MACROD2: variants seen among roughly 807,000 people sequenced by gnomAD.
The protein encoded by MACROD2 is ADP-ribose glycohydrolase MACROD2.
MACROD2 carries 36 observed loss-of-function variants against 70.4 expected under a neutral mutation model. The observed-to-expected ratio is 0.51, with a 90% CI of 0.39 to 0.68. MACROD2 has a LOEUF of 0.68. Ranked by LOEUF, MACROD2 falls within the 30% of genes least tolerant of loss-of-function variation. The pLI is 0.00. For missense variants in MACROD2, 496 were observed against 538.4 expected (o/e 0.92, Z 0.78); for synonymous variants, 172 against 178.8 (o/e 0.96, Z 0.30).
At chr20:14,967,852 A>G (rs552132124) in intron 5 of MACROD2, among the ~76,000 whole-genome samples, 1 of 152,248 alleles carries the variant, frequency 6.6e-6, no homozygotes, top group East Asian at 1.9e-4. Flanking sequence ...CTACTGTCCA[A>G]TAAATTTTAT....
chr20:14,854,957 A>T (rs1396670974), intron 5 of MACROD2, among the ~76,000 whole-genome samples: 1 of 152,102 alleles, frequency 6.6e-6, no homozygotes. Context: ...CGGAGCTTGC[A>T]GTGAGCCGAG....
intron 5 of MACROD2, among the ~76,000 whole-genome samples, chr20:15,204,470 G>T (rs1446269182): frequency 1.3e-5 from 2 of 152,030 alleles, no homozygotes; most frequent in Non-Finnish European, 2.9e-5. Flanking sequence ...ATTGTAATGT[G>T]CTCATAAAGA....
chr20:15,601,163 C>A (rs458289), intron 8 of MACROD2, among the ~76,000 whole-genome samples: 1 of 152,110 alleles, frequency 6.6e-6, no homozygotes, highest in Non-Finnish European at 1.5e-5. Flanking sequence ...ATTCTCACTA[C>A]TGACTCCCTC....
chr20:14,601,240 G>T (rs186748110), intron 4 of MACROD2, among the ~76,000 whole-genome samples: 1 of 152,276 alleles, frequency 6.6e-6, no homozygotes, highest in South Asian at 2.1e-4. Flanking sequence ...TTTCCATGGT[G>T]TTTGGGAGTG....
intron 5 of MACROD2, among the ~76,000 whole-genome samples, chr20:14,831,780 CAAAAAAAAAAAAAA>C (rs71190151): frequency 2.2e-4 from 8 of 37,182 alleles, no homozygotes; most frequent in Admixed American, 6.0e-4. Context: ...AACTCCGTCT[CAAAAAAAAAAAAAA>C]AAAAAAAAAA....
chr20:14,200,316 T>A (rs186098405), intron 3 of MACROD2, among the ~76,000 whole-genome samples: 5 of 152,140 alleles, frequency 3.3e-5, no homozygotes, highest in Admixed American at 3.3e-4. Flanking sequence ...AAGTGGGAGC[T>A]AAATTATGAG....
rs1420965168 is a variant in MACROD2 at position 15,021,256 on chromosome 20, A to ACACACCTGTGTGTGTGTATACG, written c.419-208663_419-208642dup. On this transcript the variant is annotated intron_variant, in intron 5 of 17. Coordinates refer to ENST00000684519, the MANE Select transcript of MACROD2 (RefSeq NM_001351661.2). ...TACACACACCTGTGTGTATGTATAC[A>ACACACCTGTGTGTGTGTATACG]CACACCTGTGTGTGTGTATACGCAC... is the stretch of plus-strand genomic sequence containing the variant. 2.4e-4 allele frequency among the ~76,000 whole-genome samples: 20 copies of ACACACCTGTGTGTGTGTATACG among 83,806 alleles called. 2 individuals are homozygous for ACACACCTGTGTGTGTGTATACG. The highest frequency in any genetic ancestry group is 1.0e-3 in the Admixed American group (9 of 8,888). 55.0% of individuals were successfully genotyped at this position (83,806 alleles called of 152,430 possible). A position where few individuals can be genotyped will look rare whatever the true frequency, so the allele number is the denominator to read the frequency against.
At chr20:14,152,611 G>C (rs1431401311) in intron 3 of MACROD2, among the ~76,000 whole-genome samples, 1 of 151,998 alleles carries the variant, frequency 6.6e-6, no homozygotes, top group Non-Finnish European at 1.5e-5. Context: ...ATTTTTAGTA[G>C]AGATGGGGTT....
At chr20:14,516,037 T>C (rs1411103646) in intron 4 of MACROD2, among the ~76,000 whole-genome samples, 1 of 147,902 alleles carries the variant, frequency 6.8e-6, no homozygotes, top group Non-Finnish European at 1.5e-5. Context: ...TACTTTATAG[T>C]ATCTATTTTA....
At position 14,457,135 on chromosome 20, in the gene MACROD2, A is replaced by T. The variant is rs540273809; in HGVS notation, c.272-36344A>T. On this transcript the variant is annotated intron_variant, in intron 3 of 17. Coordinates refer to ENST00000684519, the MANE Select transcript of MACROD2 (RefSeq NM_001351661.2). ...GTATCATTATAGCATCAGAAAGTGG[A>T]GACATCAGGGGCTTTTTTCTTCCTA... Among the ~76,000 whole-genome samples, 4 of 152,198 alleles carry T rather than the reference A, an allele frequency of 2.6e-5. No individual in the cohort carries two copies. The South Asian group carries it at 8.3e-4, about 32-fold the overall frequency.
At chr20:14,137,099 G>A (rs951901549) in intron 3 of MACROD2, among the ~76,000 whole-genome samples, 1 of 152,004 alleles carries the variant, frequency 6.6e-6, no homozygotes, top group Non-Finnish European at 1.5e-5. Flanking sequence ...CTTAAGCAAT[G>A]CAAGAGTTAG....
intron 4 of MACROD2, among the ~76,000 whole-genome samples, chr20:14,509,532 A>G (rs529270616): frequency 1.1e-4 from 16 of 152,132 alleles, no homozygotes; most frequent in African/African-American, 3.8e-4. Context: ...GTAGTGATTA[A>G]GAGTGGATTT....
intron 5 of MACROD2, among the ~76,000 whole-genome samples, chr20:14,874,493 G>T (rs1228380055): frequency 6.6e-6 from 1 of 150,898 alleles, no homozygotes; most frequent in Non-Finnish European, 1.5e-5. Flanking sequence ...AACTTTATAG[G>T]TCATCATTGA....
At chr20:15,511,048 G>A (rs1230710269) in intron 8 of MACROD2, among the ~76,000 whole-genome samples, 1 of 152,186 alleles carries the variant, frequency 6.6e-6, no homozygotes, top group Non-Finnish European at 1.5e-5. Context: ...CCTCAGGCAA[G>A]GAAGCGAAGC....
intron 4 of MACROD2, among the ~76,000 whole-genome samples, chr20:14,642,345 A>G (rs1462293991): frequency 6.6e-6 from 1 of 152,152 alleles, no homozygotes; most frequent in African/African-American, 2.4e-5. Context: ...TATCAGCAGT[A>G]AAGGGCTGTT....
At chr20:14,642,838 A>T (rs1402656353) in intron 4 of MACROD2, among the ~76,000 whole-genome samples, 1 of 152,118 alleles carries the variant, frequency 6.6e-6, no homozygotes, top group African/African-American at 2.4e-5. Context: ...TATTGCAAAA[A>T]TTACCAAAAT....
At chr20:14,742,580 T>C (rs1269060696) in intron 5 of MACROD2, among the ~76,000 whole-genome samples, 2 of 151,728 alleles carry the variant, frequency 1.3e-5, no homozygotes, top group Admixed American at 6.6e-5. Flanking sequence ...AATTTTACTT[T>C]TTTTTTTTAA....
At chr20:14,217,736 G>A (rs1306808080) in intron 3 of MACROD2, among the ~76,000 whole-genome samples, 1 of 152,090 alleles carries the variant, frequency 6.6e-6, no homozygotes, top group Non-Finnish European at 1.5e-5. Flanking sequence ...CTTAAGCTAG[G>A]AGGGTTGTAT....
intron 8 of MACROD2, among the ~76,000 whole-genome samples, chr20:15,786,113 C>T (rs541910846): frequency 6.7e-6 from 1 of 148,852 alleles, no homozygotes; most frequent in African/African-American, 2.5e-5. Context: ...ATAAGATGGA[C>T]TAAAATTAAA....
Sources: allele counts gnomAD v4.1 joint callset (sites outside exome capture counted in the v4.1 genomes callset), GRCh38; gene constraint gnomAD v4.1.1; transcripts MANE v1.5; gene names NCBI Gene and HGNC (gene_info 2026-07-23, HGNC 2026-07-21).